PEAK1: variants seen among roughly 807,000 people sequenced by gnomAD.
The protein encoded by PEAK1 is pseudopodium enriched atypical kinase 1.
A neutral mutation model predicts 124.7 loss-of-function variants in PEAK1; 54 were observed. The ratio of observed to expected loss-of-function variants is 0.43; its 90% CI spans 0.35 to 0.54. PEAK1 has a LOEUF of 0.54. Ranked by LOEUF, PEAK1 falls within the 20% of genes least tolerant of loss-of-function variation. PEAK1 has a pLI of 0.01. For missense variants in PEAK1, 2,046 were observed against 2,134.5 expected, an observed-to-expected ratio of 0.96 and a Z score of 0.82; for synonymous variants, 719 against 760.0, an observed-to-expected ratio of 0.95 and a Z score of 0.89.
intron 7 of PEAK1, among the ~76,000 whole-genome samples, chr15:77,160,585 A>C (rs2055548113): frequency 6.6e-6 from 1 of 152,090 alleles, no homozygotes; most frequent in African/African-American, 2.4e-5. Context: ...CTGAGGCAGG[A>C]GAATCTCTTG....
intron 1 of PEAK1, among the ~76,000 whole-genome samples, chr15:77,377,456 C>CTT (rs879298852): frequency 4.2e-5 from 6 of 143,412 alleles, no homozygotes; most frequent in Middle Eastern, 3.4e-3. Flanking sequence ...TATATATACT[C>CTT]TTTTTTTTTT....
intron 1 of PEAK1, among the ~76,000 whole-genome samples, chr15:77,394,497 G>A (rs2070739474): frequency 6.6e-6 from 1 of 152,162 alleles, no homozygotes; most frequent in Non-Finnish European, 1.5e-5. Context: ...GTAACCCAGA[G>A]ACTTCTTCTG....
chr15:77,273,973 G>A (rs2062172876), intron 5 of PEAK1, among the ~76,000 whole-genome samples: 1 of 151,948 alleles, frequency 6.6e-6, no homozygotes, highest in African/African-American at 2.4e-5. Context: ...GAAATAAAGA[G>A]AAATACTTAC....
intron 8 of PEAK1, among the ~76,000 whole-genome samples, chr15:77,147,860 A>C (rs1441149869): frequency 6.6e-6 from 1 of 152,210 alleles, no homozygotes; most frequent in East Asian, 1.9e-4. Flanking sequence ...GTTCAATAGA[A>C]CTTTGTGTAA....
intron 5 of PEAK1, among the ~76,000 whole-genome samples, chr15:77,279,595 C>A (rs1281666620): frequency 1.3e-5 from 2 of 152,078 alleles, no homozygotes; most frequent in African/African-American, 4.8e-5. Flanking sequence ...AGGATCGGCT[C>A]GTGAAAAGTT....
At position 77,221,106 on chromosome 15, in the gene PEAK1, T is replaced by C. The variant is rs1237747273; in HGVS notation, c.-115+31261A>G. Among the ~76,000 whole-genome samples the C allele has an allele frequency of 7.2e-5, 11 of 152,128 alleles. No homozygotes were observed. The East Asian group carries it at 1.9e-3, about 27-fold the overall frequency. On this transcript the variant is annotated intron_variant, in intron 6 of 9. Coordinates refer to ENST00000682557, the MANE Select transcript of PEAK1 (RefSeq NM_001385026.1). The stretch of plus-strand genomic sequence containing the variant: ...ATAAGTTCGAGTTACTAAAAAACTG[T>C]AGCATATGCCCTTTACCCACATGCA...
At chr15:77,123,868 T>C (rs903829860) in intron 9 of PEAK1, among the ~76,000 whole-genome samples, 1 of 152,022 alleles carries the variant, frequency 6.6e-6, no homozygotes. Flanking sequence ...CAATGCAATC[T>C]GGGTGGTGGC....
intron 8 of PEAK1, among the ~76,000 whole-genome samples, chr15:77,134,944 G>C (rs2053188218): frequency 6.6e-6 from 1 of 152,136 alleles, no homozygotes; most frequent in Admixed American, 6.5e-5. Context: ...TAAAGACAGG[G>C]ACAGAGAGGG....
chr15:77,138,427 A>T (rs956717523), intron 8 of PEAK1, among the ~76,000 whole-genome samples: 2 of 152,192 alleles, frequency 1.3e-5, no homozygotes, highest in South Asian at 2.1e-4. Flanking sequence ...AAATTTATTT[A>T]AAAATTTTTC....
chr15:77,343,168 T>A (rs2066648134), intron 2 of PEAK1, among the ~76,000 whole-genome samples: 1 of 152,266 alleles, frequency 6.6e-6, no homozygotes, highest in South Asian at 2.1e-4. Context: ...ATAACAGCTA[T>A]CCTAATAGGT....
intron 5 of PEAK1, among the ~76,000 whole-genome samples, chr15:77,274,363 T>A (rs1040308412): frequency 6.6e-6 from 1 of 151,986 alleles, no homozygotes; most frequent in African/African-American, 2.4e-5. Context: ...AGAAAATCTT[T>A]GCAATCTATC....
chr15:77,242,987 A>G (rs1425599911), intron 6 of PEAK1, among the ~76,000 whole-genome samples: 1 of 152,198 alleles, frequency 6.6e-6, no homozygotes, highest in African/African-American at 2.4e-5. Context: ...GACATCACTC[A>G]CAATTAGCCT....
chr15:77,410,427 G>A (rs1349860844), intron 1 of PEAK1, among the ~76,000 whole-genome samples: 2 of 152,154 alleles, frequency 1.3e-5, no homozygotes. Flanking sequence ...ACCCGTCTGT[G>A]ATCATGTTTT....
At chr15:77,250,239 G>GTATA (rs201948706) in intron 6 of PEAK1, among the ~76,000 whole-genome samples, 1 of 95,854 alleles carries the variant, frequency 1.0e-5, no homozygotes, top group African/African-American at 3.6e-5. Flanking sequence ...ATATGTATAT[G>GTATA]TATATATATA....
chr15:77,124,238 T>G (rs903912153), intron 9 of PEAK1, among the ~76,000 whole-genome samples: 1 of 152,244 alleles, frequency 6.6e-6, no homozygotes, highest in Non-Finnish European at 1.5e-5. Flanking sequence ...TTGGGTCACT[T>G]AGATGTGTGG....
intron 1 of PEAK1, among the ~76,000 whole-genome samples, chr15:77,385,904 T>C (rs1481025899): frequency 2.0e-5 from 3 of 152,166 alleles, no homozygotes; most frequent in Non-Finnish European, 4.4e-5. Context: ...GAGCCTTAGT[T>C]TTAGAATGAG....
At chr15:77,191,316 A>C (rs1021735449) in intron 6 of PEAK1, among the ~76,000 whole-genome samples, 4 of 152,206 alleles carry the variant, frequency 2.6e-5, no homozygotes, top group African/African-American at 9.6e-5. Context: ...CACTTAATAA[A>C]TATTAGTTAT....
At position 77,172,234 on chromosome 15, in the gene PEAK1, C is replaced by A. The variant is rs77099279; in HGVS notation, c.3137+6556G>T. The stretch of plus-strand genomic sequence containing the variant: ...TCATGTATAATTTTATAATATCATG[C>A]ATTGGGTTATTTGGAAATTATTGGT... On this transcript the variant is annotated intron_variant, in intron 7 of 9. Coordinates refer to ENST00000682557, the MANE Select transcript of PEAK1 (RefSeq NM_001385026.1). Among the ~76,000 whole-genome samples, 26 of 152,174 alleles carry A rather than the reference C, an allele frequency of 1.7e-4. No homozygotes were observed. The East Asian group carries it at 5.0e-3, about 29-fold the overall frequency.
chr15:77,244,094 C>A (rs2060474624), intron 6 of PEAK1, among the ~76,000 whole-genome samples: 1 of 152,082 alleles, frequency 6.6e-6, no homozygotes. Context: ...AAAAAATTAT[C>A]TTTCATTCCT....
Sources: gnomAD v4.1 joint callset for allele counts (sites outside exome capture counted in the v4.1 genomes callset) on GRCh38, gnomAD v4.1.1 for gene constraint, MANE v1.5 for transcripts, NCBI Gene and HGNC (gene_info 2026-07-23, HGNC 2026-07-21) for gene names.